Variants in NR1H4 observed in about 807,000 individuals in gnomAD.
NR1H4 encodes nuclear receptor subfamily 1 group H member 4.
In NR1H4, 23 loss-of-function variants were observed where a neutral mutation model predicts 58.5. The ratio of observed to expected loss-of-function variants is 0.39; its 90% confidence interval spans 0.28 to 0.56. The LOEUF is 0.56. Ranked by LOEUF, NR1H4 falls within the 20% of genes least tolerant of loss-of-function variation. The pLI, the probability that NR1H4 is intolerant of heterozygous loss-of-function variation, is 0.58. For missense variants in NR1H4, 487 were observed against 576.9 expected, an observed-to-expected ratio of 0.84 and a Z score of 1.60; for synonymous variants, 214 against 198.0, an observed-to-expected ratio of 1.08 and a Z score of -0.68.
At chr12:100,499,632 G>A (rs1365882512) in intron 3 of NR1H4, among the ~76,000 whole-genome samples, 2 of 152,158 alleles carry the variant, frequency 1.3e-5, no homozygotes, top group African/African-American at 4.8e-5. Context: ...GCTGGTAGGC[G>A]ATTCCACTGC....
intron 3 of NR1H4, among the ~76,000 whole-genome samples, chr12:100,496,748 G>T (rs1166581638): frequency 6.6e-6 from 1 of 152,138 alleles, no homozygotes; most frequent in Non-Finnish European, 1.5e-5. Context: ...TTCACTGCAG[G>T]TTATTATAAA....
At chr12:100,536,776 A>G (rs1163065607) in intron 7 of NR1H4, among the ~76,000 whole-genome samples, 166 bp downstream of exon 7, 1 of 152,212 alleles carries the variant, frequency 6.6e-6, no homozygotes, top group Non-Finnish European at 1.5e-5. Context: ...ATTCAAGAGT[A>G]TGAAGTCTCC....
chr12:100,559,545 T>C (rs1486810336), intron 9 of NR1H4, among the ~76,000 whole-genome samples: 1 of 152,136 alleles, frequency 6.6e-6, no homozygotes. Flanking sequence ...GCGGAGGGTG[T>C]ACTGGGTCCC....
intron 6 of NR1H4, among the ~76,000 whole-genome samples, chr12:100,536,259 C>G (rs1954809577): frequency 6.6e-6 from 1 of 152,012 alleles, no homozygotes; most frequent in Non-Finnish European, 1.5e-5. Context: ...CCATTTATTC[C>G]TAAGAAATAC....
intron 4 of NR1H4, among the ~76,000 whole-genome samples, chr12:100,517,654 A>G (rs893052646): frequency 6.6e-6 from 1 of 152,210 alleles, no homozygotes; most frequent in African/African-American, 2.4e-5. Context: ...CACCAGCAGT[A>G]AGGGTTGACT....
At position 100,532,626 on chromosome 12, in the gene NR1H4, A is replaced by C; in HGVS notation, c.598+16A>C. 1 of 1,612,416 alleles carries C rather than the reference A, an allele frequency of 6.2e-7. No individual in the cohort carries two copies. Among genetic ancestry groups the C allele is most frequent in the Non-Finnish European group, 8.5e-7 (1 of 1,178,642 alleles). Reference sequence around the variant, plus strand: ...ATGTATACAGGTATTCACTTCAAGCAATTACATTTCACTAAAAATCTCTTA... The same window carrying C: ...ATGTATACAGGTATTCACTTCAAGCCATTACATTTCACTAAAAATCTCTTA... On this transcript the variant is annotated intron_variant, in intron 5 of 10. Coordinates refer to ENST00000392986, the MANE Select transcript of NR1H4 (RefSeq NM_001206979.2).
chr12:100,504,991 CAG>C (rs1460630839), intron 3 of NR1H4, among the ~76,000 whole-genome samples: 1 of 152,020 alleles, frequency 6.6e-6, no homozygotes, highest in African/African-American at 2.4e-5. Context: ...GCTGACAAGG[CAG>C]GGAGAGGCAC....
chr12:100,487,887 C>T (rs1953528403), intron 1 of NR1H4, among the ~76,000 whole-genome samples: 1 of 152,136 alleles, frequency 6.6e-6, no homozygotes, highest in African/African-American at 2.4e-5. Context: ...GTTGGGATTA[C>T]AGGTGTGAAC....
chr12:100,514,475 ACT>A (rs1191252160), intron 4 of NR1H4, among the ~76,000 whole-genome samples: 1 of 151,284 alleles, frequency 6.6e-6, no homozygotes, highest in Non-Finnish European at 1.5e-5. Flanking sequence ...AGGCTGAAAA[ACT>A]CTGTTGTGGG....
At chr12:100,525,468 G>A (rs1954531964) in intron 4 of NR1H4, 1 of 152,000 alleles carries the variant, frequency 6.6e-6, no homozygotes, top group Non-Finnish European at 1.5e-5. Flanking sequence ...CATGTCAAAA[G>A]AATATAACTT....
intron 4 of NR1H4, among the ~76,000 whole-genome samples, chr12:100,512,137 G>A (rs1954134761): frequency 6.6e-6 from 1 of 152,000 alleles, no homozygotes. Context: ...GGAGGCAGAG[G>A]TGGGAGGATC....
At chr12:100,496,350 T>C (rs1301636791) in intron 3 of NR1H4, among the ~76,000 whole-genome samples, 1 of 151,974 alleles carries the variant, frequency 6.6e-6, no homozygotes, top group Non-Finnish European at 1.5e-5. Flanking sequence ...CTCTAAGTGG[T>C]ATAGTCAGGA....
chr12:100,553,770 C>T (rs1183841116), intron 9 of NR1H4, among the ~76,000 whole-genome samples: 2 of 152,220 alleles, frequency 1.3e-5, no homozygotes, highest in Non-Finnish European at 2.9e-5. Context: ...TCCCCACAGG[C>T]TGGTTCTCCT....
intron 3 of NR1H4, among the ~76,000 whole-genome samples, chr12:100,498,443 A>C (rs919084638): frequency 3.9e-5 from 6 of 152,172 alleles, no homozygotes; most frequent in African/African-American, 1.4e-4. Flanking sequence ...GTTTGAGACC[A>C]GACTGGCTAA....
At chr12:100,534,045 C>G (rs528835316) in intron 5 of NR1H4, among the ~76,000 whole-genome samples, 1 of 151,942 alleles carries the variant, frequency 6.6e-6, no homozygotes, top group Non-Finnish European at 1.5e-5. Flanking sequence ...TACAGGCGCC[C>G]GCCACTGCGC....
chr12:100,542,402 G>A (rs1479409543), intron 9 of NR1H4, among the ~76,000 whole-genome samples: 4 of 152,292 alleles, frequency 2.6e-5, no homozygotes, highest in African/African-American at 7.2e-5. Context: ...CTCAAGAGAC[G>A]AGATAATAGC....
chr12:100,555,134 C>G (rs558477621), intron 9 of NR1H4, among the ~76,000 whole-genome samples: 84 of 152,170 alleles, frequency 5.5e-4, no homozygotes, highest in African/African-American at 2.0e-3. Context: ...TTTAGAAAGG[C>G]AAATGAAATA....
chr12:100,499,857 C>G, intron 3 of NR1H4: 1 of 455,960 alleles, frequency 2.2e-6, no homozygotes, highest in Non-Finnish European at 4.4e-6. Flanking sequence ...TAACAGATTT[C>G]CTGGGTTGGT....
At chr12:100,558,770 A>G (rs969751859) in intron 9 of NR1H4, among the ~76,000 whole-genome samples, 1 of 152,226 alleles carries the variant, frequency 6.6e-6, no homozygotes, top group Admixed American at 6.5e-5. Context: ...TTAGGGAACT[A>G]CAAGTGGCCG....
Sources: gnomAD v4.1 joint callset for allele counts (sites outside exome capture counted in the v4.1 genomes callset) on GRCh38, gnomAD v4.1.1 for gene constraint, MANE v1.5 for transcripts, NCBI Gene and HGNC (gene_info 2026-07-23, HGNC 2026-07-21) for gene names.